SEMA6A: variants seen among roughly 807,000 people sequenced by gnomAD.
The protein encoded by SEMA6A is semaphorin 6A.
In SEMA6A, 25 loss-of-function variants were observed where a neutral mutation model predicts 96.8. The ratio of observed to expected loss-of-function variants is 0.26; its 90% CI spans 0.19 to 0.36. The LOEUF (loss-of-function observed/expected upper bound fraction) is 0.36. Among genes scored for constraint, SEMA6A ranks in the 10% least tolerant of loss-of-function variants. The pLI, the probability that SEMA6A is intolerant of heterozygous loss-of-function variation, is 1.00. For synonymous variants in SEMA6A, 612 were observed against 518.0 expected, an observed-to-expected ratio of 1.18 and a Z score of -2.46; for missense variants, 1,363 against 1,323.1, an observed-to-expected ratio of 1.03 and a Z score of -0.47.
intron 4 of SEMA6A, among the ~76,000 whole-genome samples, chr5:116,496,604 A>T (rs1757614181): frequency 6.6e-6 from 1 of 152,246 alleles, no homozygotes; most frequent in African/African-American, 2.4e-5. Flanking sequence ...ATTTTTCATA[A>T]ACTATCCAAA....
intron 1 of SEMA6A, among the ~76,000 whole-genome samples, chr5:116,560,018 T>C (rs947593669): frequency 2.0e-5 from 3 of 152,076 alleles, no homozygotes; most frequent in Non-Finnish European, 4.4e-5. Flanking sequence ...CCACATCACC[T>C]TGTCCCTGTG....
intron 10 of SEMA6A, among the ~76,000 whole-genome samples, chr5:116,483,789 C>A (rs554148072): frequency 6.6e-6 from 1 of 152,108 alleles, no homozygotes; most frequent in Non-Finnish European, 1.5e-5. Flanking sequence ...ATAGGCCGGG[C>A]GAAGTGGCTC....
intron 1 of SEMA6A, among the ~76,000 whole-genome samples, chr5:116,519,997 C>T (rs1246347458): frequency 6.6e-6 from 1 of 152,146 alleles, no homozygotes; most frequent in East Asian, 1.9e-4. Context: ...TAAAGCCTTC[C>T]AGTGGCTTCT....
intron 1 of SEMA6A, among the ~76,000 whole-genome samples, chr5:116,565,061 TAATG>T (rs1223741394): frequency 1.3e-5 from 2 of 152,254 alleles, no homozygotes; most frequent in Non-Finnish European, 1.5e-5. Flanking sequence ...TGAATAGTCT[TAATG>T]AAGAGTTTGC....
chr5:116,533,148 G>A (rs1759560753), intron 1 of SEMA6A, among the ~76,000 whole-genome samples: 1 of 152,104 alleles, frequency 6.6e-6, no homozygotes, highest in Admixed American at 6.6e-5. Context: ...TGAGTTAATT[G>A]CTAAGTCAAC....
intron 1 of SEMA6A, among the ~76,000 whole-genome samples, chr5:116,513,995 G>A (rs921504509): frequency 1.3e-5 from 2 of 152,174 alleles, no homozygotes; most frequent in Non-Finnish European, 2.9e-5. Context: ...ATTCCATCAT[G>A]TATATGTACC....
chr5:116,511,312 C>G (rs900912982), intron 1 of SEMA6A, among the ~76,000 whole-genome samples: 23 of 152,104 alleles, frequency 1.5e-4, no homozygotes, highest in African/African-American at 5.1e-4. Flanking sequence ...CTGTAGATGT[C>G]CAGTACAGAT....
At chr5:116,495,057 T>C (rs2112744660) in intron 6 of SEMA6A, among the ~76,000 whole-genome samples, 1 of 152,260 alleles carries the variant, frequency 6.6e-6, no homozygotes, top group East Asian at 1.9e-4. Context: ...ACTCACCATA[T>C]AAGTGTGCTT....
chr5:116,472,797 C>A, intron 17 of SEMA6A: 1 of 988,090 alleles, frequency 1.0e-6, no homozygotes, highest in Non-Finnish European at 1.4e-6. Flanking sequence ...AGAATCTGGT[C>A]CATGATGTTT....
chr5:116,543,429 C>T (rs1056402068), intron 1 of SEMA6A, among the ~76,000 whole-genome samples: 2 of 152,180 alleles, frequency 1.3e-5, no homozygotes, highest in African/African-American at 4.8e-5. Context: ...TTAGTTTATA[C>T]TGAAAATACT....
At chr5:116,517,049 C>T (rs1399504242) in intron 1 of SEMA6A, among the ~76,000 whole-genome samples, 1 of 152,130 alleles carries the variant, frequency 6.6e-6, no homozygotes, top group Non-Finnish European at 1.5e-5. Flanking sequence ...AGTATAGGTA[C>T]ACAATTTCTT....
intron 18 of SEMA6A, among the ~76,000 whole-genome samples, chr5:116,448,896 T>C (rs1263644628): frequency 6.6e-6 from 1 of 152,182 alleles, no homozygotes; most frequent in Non-Finnish European, 1.5e-5. Context: ...TGAGAAGTGT[T>C]AGGTACCATT....
intron 1 of SEMA6A, among the ~76,000 whole-genome samples, chr5:116,530,611 G>C (rs1425231122): frequency 1.3e-5 from 2 of 152,030 alleles, no homozygotes; most frequent in Non-Finnish European, 2.9e-5. Context: ...TTTTAAAGTA[G>C]ACTCATATTG....
chr5:116,539,114 A>G (rs906026764), intron 1 of SEMA6A, among the ~76,000 whole-genome samples: 5 of 152,150 alleles, frequency 3.3e-5, no homozygotes, highest in African/African-American at 9.7e-5. Context: ...CCACAACCCA[A>G]TGTCCCCAAA....
chr5:116,512,350 T>C (rs6897947), intron 1 of SEMA6A, among the ~76,000 whole-genome samples: 69,131 of 151,994 alleles, frequency 0.45, 17,424 homozygotes, highest in African/African-American at 0.69. Context: ...ATAAAGCATC[T>C]GGTCTTTCTT....
intron 1 of SEMA6A, among the ~76,000 whole-genome samples, chr5:116,538,967 G>A (rs1016100648): frequency 6.6e-6 from 1 of 152,004 alleles, no homozygotes; most frequent in Non-Finnish European, 1.5e-5. Context: ...TAAATTATTG[G>A]AGTTGGCATA....
chr5:116,566,581 C>T (rs1761036633), intron 1 of SEMA6A, among the ~76,000 whole-genome samples: 1 of 152,182 alleles, frequency 6.6e-6, no homozygotes, highest in South Asian at 2.1e-4. Flanking sequence ...AACTGTAACT[C>T]TAAGCCATGG....
chr5:116,505,911 A>G (rs1478230676), intron 1 of SEMA6A, among the ~76,000 whole-genome samples: 1 of 151,948 alleles, frequency 6.6e-6, no homozygotes, highest in East Asian at 1.9e-4. Flanking sequence ...TACAGTAAAT[A>G]TCACTTAATT....
chr5:116,528,551 C>T (rs1258553228), intron 1 of SEMA6A, among the ~76,000 whole-genome samples: 1 of 152,090 alleles, frequency 6.6e-6, no homozygotes, highest in Non-Finnish European at 1.5e-5. Flanking sequence ...GCGATAGGAC[C>T]CTGGCAGAGG....
Sources: gnomAD v4.1 joint callset for allele counts (sites outside exome capture counted in the v4.1 genomes callset) on GRCh38, gnomAD v4.1.1 for gene constraint, MANE v1.5 for transcripts, NCBI Gene and HGNC (gene_info 2026-07-23, HGNC 2026-07-21) for gene names.